TTLL5: variants seen among roughly 807,000 people sequenced by gnomAD.
TTLL5 encodes the protein tubulin polyglutamylase TTLL5.
TTLL5 carries 132 observed loss-of-function variants against 168.4 expected under a neutral mutation model. That is an observed-to-expected ratio of 0.78 (90% CI 0.68 to 0.91). The LOEUF is 0.91. TTLL5 is among the 40% of genes least tolerant of loss of function. The pLI is 0.00. For synonymous variants in TTLL5, 546 were observed against 558.6 expected, an observed-to-expected ratio of 0.98 and a Z score of 0.32; for missense variants, 1,545 against 1,581.5, an observed-to-expected ratio of 0.98 and a Z score of 0.39.
At chr14:75,906,688 G>A in intron 31 of TTLL5, 1 of 985,840 alleles carries the variant, frequency 1.0e-6, no homozygotes, top group Middle Eastern at 5.2e-4. Context: ...GTAACGGTAA[G>A]AATAAGAGCA....
intron 7 of TTLL5, among the ~76,000 whole-genome samples, chr14:75,703,653 A>G (rs548307150): frequency 2.0e-5 from 3 of 152,354 alleles, no homozygotes; most frequent in South Asian, 2.1e-4. Flanking sequence ...CACATGATCC[A>G]TGGGAAATAC....
At chr14:75,798,806 A>G (rs1893130469) in intron 27 of TTLL5, among the ~76,000 whole-genome samples, 1 of 151,950 alleles carries the variant, frequency 6.6e-6, no homozygotes, top group Non-Finnish European at 1.5e-5. Context: ...TTCCAGTTTT[A>G]TTACATTGTG....
intron 1 of TTLL5, among the ~76,000 whole-genome samples, chr14:75,662,029 A>G (rs1023256118): frequency 2.0e-5 from 3 of 152,188 alleles, no homozygotes; most frequent in Admixed American, 6.5e-5. Context: ...GACACACACA[A>G]CGAACATGTA....
chr14:75,788,537 A>G lies in TTLL5; in HGVS notation c.2987-4379A>G, dbSNP rs1283574370. Among the ~76,000 whole-genome samples, 4 of 152,188 alleles carry G rather than the reference A, an allele frequency of 2.6e-5. No individual in the cohort carries two copies. The South Asian group carries it at 6.2e-4, about 24-fold the overall frequency. On this transcript the variant is annotated intron_variant, in intron 26 of 31. Transcript: ENST00000298832. ...AAAATGGACCAAACTCATACAAACT[A>G]TAACTTATGTAAAAATGACTCAAGA...
chr14:75,846,808 A>G (rs1475333872), intron 28 of TTLL5, among the ~76,000 whole-genome samples: 1 of 151,680 alleles, frequency 6.6e-6, no homozygotes, highest in Non-Finnish European at 1.5e-5. Flanking sequence ...AAAAAAAAAA[A>G]AAAAGAATTA....
intron 6 of TTLL5, among the ~76,000 whole-genome samples, chr14:75,695,465 T>G (rs1287617681): frequency 6.6e-6 from 1 of 152,180 alleles, no homozygotes; most frequent in Non-Finnish European, 1.5e-5. Flanking sequence ...TTTATTGCCT[T>G]GGGAAGCATG....
chr14:75,668,873 G>T (rs541199957), intron 2 of TTLL5, among the ~76,000 whole-genome samples: 282 of 152,300 alleles, frequency 1.9e-3, no homozygotes, highest in Non-Finnish European at 3.6e-3. Context: ...GTAATAAAGA[G>T]AATACTTTCA....
intron 29 of TTLL5, among the ~76,000 whole-genome samples, chr14:75,873,723 G>A (rs1202515286): frequency 6.6e-6 from 1 of 151,692 alleles, no homozygotes; most frequent in African/African-American, 2.4e-5. Flanking sequence ...ATTCATTGAT[G>A]GACATTTAGG....
chr14:75,936,152 T>C (rs546324579), intron 31 of TTLL5, among the ~76,000 whole-genome samples: 40 of 152,342 alleles, frequency 2.6e-4, no homozygotes, highest in South Asian at 1.4e-3. Flanking sequence ...ATAGTTTTTT[T>C]TTTCACTTAA....
chr14:75,662,203 C>G (rs1337736022), intron 1 of TTLL5, among the ~76,000 whole-genome samples: 1 of 152,036 alleles, frequency 6.6e-6, no homozygotes, highest in African/African-American at 2.4e-5. Context: ...TTATATGGAC[C>G]TTTGATTCAA....
At chr14:75,690,376 T>C in intron 6 of TTLL5, 54 bp downstream of exon 6, 1 of 1,545,220 alleles carries the variant, frequency 6.5e-7, no homozygotes, top group Non-Finnish European at 8.7e-7. Context: ...CTGGGGAATA[T>C]TTACCCCAAA....
intron 28 of TTLL5, among the ~76,000 whole-genome samples, chr14:75,852,601 G>A (rs1896919318): frequency 6.6e-6 from 1 of 151,876 alleles, no homozygotes; most frequent in African/African-American, 2.4e-5. Flanking sequence ...AACTCCATAG[G>A]TTCAAAACAG....
At chr14:75,924,421 G>T (rs1209810521) in intron 31 of TTLL5, among the ~76,000 whole-genome samples, 2 of 151,770 alleles carry the variant, frequency 1.3e-5, no homozygotes, top group African/African-American at 2.4e-5. Context: ...CTAGGCAGAG[G>T]ACCCTGCGGC....
At chr14:75,872,497 A>AT (rs2031116561) in intron 29 of TTLL5, among the ~76,000 whole-genome samples, 3 of 152,288 alleles carry the variant, frequency 2.0e-5, no homozygotes, top group Admixed American at 1.3e-4. Flanking sequence ...ATTTCCTAAC[A>AT]TTTTTTGTGC....
At chr14:75,945,251 T>TCA (rs2034734038) in intron 31 of TTLL5, among the ~76,000 whole-genome samples, 1 of 147,826 alleles carries the variant, frequency 6.8e-6, no homozygotes, top group Non-Finnish European at 1.5e-5. Flanking sequence ...ATAATATATA[T>TCA]TATATATAAA....
intron 31 of TTLL5, among the ~76,000 whole-genome samples, chr14:75,936,563 T>G (rs1397795248): frequency 2.6e-5 from 4 of 152,220 alleles, no homozygotes; most frequent in South Asian, 2.1e-4. Flanking sequence ...TTTGAGCATC[T>G]TCCATCTTAT....
chr14:75,858,539 A>C (rs975751661), intron 28 of TTLL5, among the ~76,000 whole-genome samples: 1 of 152,242 alleles, frequency 6.6e-6, no homozygotes, highest in African/African-American at 2.4e-5. Flanking sequence ...AAGAGCATCT[A>C]TCTGATAGAC....
chr14:75,911,138 G>A (rs1002391961), intron 31 of TTLL5, among the ~76,000 whole-genome samples: 3 of 152,072 alleles, frequency 2.0e-5, no homozygotes, highest in Admixed American at 6.6e-5. Context: ...AACAACTCTC[G>A]AGCCTTCGCC....
At chr14:75,744,817 T>A (rs1889498094) in intron 15 of TTLL5, 1 of 219,548 alleles carries the variant, frequency 4.6e-6, no homozygotes, top group Non-Finnish European at 9.2e-6. Flanking sequence ...AAATACTAGC[T>A]TAGAAAGTCA....
Sources: gnomAD v4.1 joint callset for allele counts (sites outside exome capture counted in the v4.1 genomes callset) on GRCh38, gnomAD v4.1.1 for gene constraint, MANE v1.5 for transcripts, NCBI Gene and HGNC (gene_info 2026-07-23, HGNC 2026-07-21) for gene names.